ELMOD1: variants seen among roughly 807,000 people sequenced by gnomAD.
ELMOD1 encodes ELMO domain containing 1.
A neutral mutation model predicts 46.7 loss-of-function variants in ELMOD1; 21 were observed. That is an observed-to-expected ratio of 0.45 (90% confidence interval 0.32 to 0.65). The LOEUF (loss-of-function observed/expected upper bound fraction) is 0.65. ELMOD1 is among the 30% of genes least tolerant of loss of function. The probability of loss-of-function intolerance (pLI) is 0.04; values close to 1 mark genes in which losing one functional copy is unlikely to be tolerated. For synonymous variants in ELMOD1, 122 were observed against 138.2 expected, an observed-to-expected ratio of 0.88 and a Z score of 0.82; for missense variants, 348 against 407.8, an observed-to-expected ratio of 0.85 and a Z score of 1.26.
intron 1 of ELMOD1, among the ~76,000 whole-genome samples, chr11:107,595,396 C>A (rs2135642698): frequency 6.6e-6 from 1 of 152,202 alleles, no homozygotes; most frequent in East Asian, 1.9e-4. Flanking sequence ...GTTTGCCAAA[C>A]ACATTCTGCC....
chr11:107,599,765 G>A (rs141361926), intron 1 of ELMOD1, among the ~76,000 whole-genome samples: 412 of 77,490 alleles, frequency 5.3e-3, no homozygotes, highest in East Asian at 7.6e-3. Flanking sequence ...AAAAAGAAAA[G>A]AAAAAAAAAA....
At chr11:107,660,622 C>CA (rs1866722421) in intron 11 of ELMOD1, among the ~76,000 whole-genome samples, 1 of 152,172 alleles carries the variant, frequency 6.6e-6, no homozygotes, top group African/African-American at 2.4e-5. Context: ...GGTTTCAGGC[C>CA]CTCGTTTCCA....
intron 6 of ELMOD1, among the ~76,000 whole-genome samples, chr11:107,639,127 C>A (rs1334193153): frequency 6.6e-6 from 1 of 151,982 alleles, no homozygotes; most frequent in Non-Finnish European, 1.5e-5. Context: ...TTAGCCTGGG[C>A]AATAGAGTGT....
intron 2 of ELMOD1, among the ~76,000 whole-genome samples, chr11:107,628,750 T>A (rs979464055): frequency 6.6e-6 from 1 of 151,626 alleles, no homozygotes; most frequent in African/African-American, 2.4e-5. Flanking sequence ...ACATCATAAT[T>A]TTAGTTATAA....
chr11:107,601,477 A>C (rs910362694), intron 1 of ELMOD1, among the ~76,000 whole-genome samples: 2 of 141,792 alleles, frequency 1.4e-5, no homozygotes, highest in African/African-American at 5.3e-5. Context: ...GTGCAGTGGC[A>C]TGATCTTGGC....
At chr11:107,627,513 C>A (rs904337910) in intron 2 of ELMOD1, among the ~76,000 whole-genome samples, 2 of 152,056 alleles carry the variant, frequency 1.3e-5, no homozygotes, top group African/African-American at 2.4e-5. Flanking sequence ...TCTTTTCTTC[C>A]TTTTGATGTA....
chr11:107,615,438 T>C (rs1246224919), intron 1 of ELMOD1, among the ~76,000 whole-genome samples: 1 of 151,956 alleles, frequency 6.6e-6, no homozygotes, highest in Non-Finnish European at 1.5e-5. Flanking sequence ...TTTCACCATG[T>C]TGGCCAGGAT....
intron 1 of ELMOD1, among the ~76,000 whole-genome samples, chr11:107,599,295 T>C (rs909543136): frequency 1.3e-5 from 2 of 152,226 alleles, no homozygotes; most frequent in African/African-American, 4.8e-5. Flanking sequence ...TTAACATTTA[T>C]GAAATTAGGA....
intron 1 of ELMOD1, among the ~76,000 whole-genome samples, chr11:107,612,304 T>C (rs1865793791): frequency 6.6e-6 from 1 of 152,020 alleles, no homozygotes. Context: ...GAGCTAAACA[T>C]TGGGTACTTA....
intron 11 of ELMOD1, among the ~76,000 whole-genome samples, chr11:107,657,635 C>T (rs1358035689): frequency 7.9e-5 from 12 of 152,180 alleles, no homozygotes; most frequent in Non-Finnish European, 2.9e-5. Context: ...CCTTACCAAT[C>T]AAGTATGGGA....
chr11:107,599,207 T>C (rs1409866270), intron 1 of ELMOD1, among the ~76,000 whole-genome samples: 7 of 152,126 alleles, frequency 4.6e-5, no homozygotes, highest in Admixed American at 3.3e-4. Flanking sequence ...GATGAAGTGT[T>C]GGGATAAGAA....
chr11:107,648,874 A>G (rs951581546), intron 7 of ELMOD1, among the ~76,000 whole-genome samples: 26 of 151,744 alleles, frequency 1.7e-4, no homozygotes, highest in African/African-American at 5.3e-4. Flanking sequence ...GCTTTAATTC[A>G]GTCATGTGTA....
intron 1 of ELMOD1, chr11:107,591,627 T>A (rs1422018505): frequency 2.8e-6 from 1 of 358,888 alleles, no homozygotes; most frequent in Non-Finnish European, 5.8e-6. Context: ...TCCCCTTCTA[T>A]CCTGTCCTCC....
intron 1 of ELMOD1, among the ~76,000 whole-genome samples, chr11:107,599,021 A>G (rs765230455): frequency 1.7e-4 from 26 of 152,220 alleles, no homozygotes; most frequent in Non-Finnish European, 2.5e-4. Flanking sequence ...CTGAGTATTT[A>G]TGGAATAAGG....
At chr11:107,593,210 T>G (rs11212292) in intron 1 of ELMOD1, 96,530 of 152,422 alleles carry the variant, frequency 0.63, 31,923 homozygotes, top group African/African-American at 0.81. Flanking sequence ...ATGAAGAAAA[T>G]AAATCTCCAA....
At chr11:107,598,643 T>A (rs73557714) in intron 1 of ELMOD1, among the ~76,000 whole-genome samples, 18,353 of 152,274 alleles carry the variant, frequency 0.12, 1,352 homozygotes, top group African/African-American at 0.21. Context: ...CACCTGGGCC[T>A]GGGCCCATGA....
At chr11:107,652,122 T>C (rs866234266) in intron 9 of ELMOD1, among the ~76,000 whole-genome samples, 2 of 152,240 alleles carry the variant, frequency 1.3e-5, no homozygotes, top group African/African-American at 2.4e-5. Context: ...GTAAATGTCA[T>C]TGGATACAGA....
Position 107,631,613 on chromosome 11 carries a change from G to T in ELMOD1, c.226G>T (p.Ala76Ser). The change falls in exon 5 of 12, where the codon GCT becomes TCT. Residue 76 changes from alanine (A) to serine (S), a missense_variant. Ala to Ser is a moderately conservative substitution (Grantham distance 99). Coordinates refer to ENST00000265840, the MANE Select transcript of ELMOD1 (RefSeq NM_018712.4). ...LQTSVSVHPD[A>S]IEKTIEDIME... ...GACTTCTGTGAGTGTTCACCCCGAC[G>T]CTATTGAAAAAACTATAGAAGATAT... 6.4e-7 allele frequency: 1 copy of T among 1,565,614 alleles called. No individual in the cohort carries two copies. Among genetic ancestry groups the T allele is most frequent in the Non-Finnish European group, 8.7e-7 (1 of 1,154,520 alleles).
chr11:107,631,397 A>AACCCCCC (rs1866134739), intron 4 of ELMOD1, among the ~76,000 whole-genome samples, 183 bp from the exon 5 acceptor site: 2 of 133,786 alleles, frequency 1.5e-5, no homozygotes, highest in East Asian at 2.5e-4. Flanking sequence ...AAATTGCACT[A>AACCCCCC]CCCCCCCCCC....
Sources: gnomAD v4.1 joint callset for allele counts (sites outside exome capture counted in the v4.1 genomes callset) on GRCh38, gnomAD v4.1.1 for gene constraint, MANE v1.5 for transcripts, NCBI Gene and HGNC (gene_info 2026-07-23, HGNC 2026-07-21) for gene names.